The following TJP3 variants were observed in gnomAD, a reference collection of about 807,000 sequenced individuals.
The protein encoded by TJP3 is tight junction protein ZO-3.
In TJP3, 85 loss-of-function variants were observed where a neutral mutation model predicts 104.2. The ratio of observed to expected loss-of-function variants is 0.82; its 90% CI spans 0.68 to 0.98. The LOEUF (loss-of-function observed/expected upper bound fraction) is 0.98. TJP3 is among the 50% of genes least tolerant of loss of function. TJP3 has a pLI of 0.00. For missense variants in TJP3, 1,367 were observed against 1,322.8 expected (o/e 1.03, Z -0.52); for synonymous variants, 550 against 550.6 (o/e 1.00, Z 0.02).
At chr19:3,719,943 G>A (rs991876373) in intron 1 of TJP3, among the ~76,000 whole-genome samples, 3 of 152,056 alleles carry the variant, frequency 2.0e-5, no homozygotes, top group South Asian at 2.1e-4. Flanking sequence ...ATTGGGTCTC[G>A]CTATATTGCC....
chr19:3,736,015 G>C (rs539337614), intron 10 of TJP3, 80 bp downstream of exon 10: 1 of 1,595,862 alleles, frequency 6.3e-7, no homozygotes, highest in Admixed American at 1.7e-5. Flanking sequence ...AATCCTGCCT[G>C]CTTGTATCCA....
intron 8 of TJP3, among the ~76,000 whole-genome samples, 196 bp downstream of exon 8, chr19:3,734,631 G>T (rs2036715943): frequency 6.6e-6 from 1 of 152,164 alleles, no homozygotes; most frequent in African/African-American, 2.4e-5. Context: ...GTAGGTGTTG[G>T]TTACAGCAGC....
At chr19:3,726,857 T>C (rs1167549769) in intron 1 of TJP3, among the ~76,000 whole-genome samples, 1 of 150,994 alleles carries the variant, frequency 6.6e-6, no homozygotes, top group Admixed American at 6.6e-5. Flanking sequence ...AGGCCAAGGC[T>C]GGAGAATCAC....
chr19:3,729,919 C>G, intron 3 of TJP3, 109 bp from the exon 4 acceptor site: 1 of 813,570 alleles, frequency 1.2e-6, no homozygotes, highest in East Asian at 2.5e-5. Context: ...GAATTAGAAC[C>G]AGGCCTTGTA....
intron 1 of TJP3, among the ~76,000 whole-genome samples, chr19:3,723,747 T>A (rs2036566588): frequency 6.7e-6 from 1 of 149,550 alleles, no homozygotes; most frequent in Non-Finnish European, 1.5e-5. Context: ...GAGCTGAGAT[T>A]GTGTCACTAC....
chr19:3,750,016 G>A (rs900788051), intron 19 of TJP3, 122 bp from the exon 20 acceptor site: 22 of 1,237,244 alleles, frequency 1.8e-5, no homozygotes, highest in Admixed American at 1.3e-4. Context: ...GACTTGTCAC[G>A]GGGTTAGCAA....
chr19:3,715,218 T>C (rs896657331), intron 1 of TJP3, among the ~76,000 whole-genome samples: 13 of 151,752 alleles, frequency 8.6e-5, no homozygotes. Flanking sequence ...GCCTCCCGAG[T>C]AGCTGGGACT....
intron 3 of TJP3, among the ~76,000 whole-genome samples, chr19:3,729,155 T>C (rs997519542): frequency 6.6e-6 from 1 of 152,172 alleles, no homozygotes; most frequent in Non-Finnish European, 1.5e-5. Context: ...TGTCAGAGAC[T>C]TGGGCCTCAC....
At chr19:3,750,451 C>A in intron 20 of TJP3, 131 bp from the exon 21 acceptor site, 1 of 833,926 alleles carries the variant, frequency 1.2e-6, no homozygotes. Flanking sequence ...TAACAAGGCC[C>A]TACCCATGAA....
chr19:3,739,266 C>A, intron 13 of TJP3, 132 bp downstream of exon 13: 1 of 748,970 alleles, frequency 1.3e-6, no homozygotes, highest in Non-Finnish European at 2.0e-6. Flanking sequence ...CTGAAGTGGG[C>A]AGATCATGAG....
At chr19:3,715,725 C>A (rs1462556347) in intron 1 of TJP3, among the ~76,000 whole-genome samples, 1 of 152,058 alleles carries the variant, frequency 6.6e-6, no homozygotes, top group African/African-American at 2.4e-5. Flanking sequence ...GTATCCCTGG[C>A]CTCCACTCAC....
chr19:3,742,995 G>C (rs1011107658), intron 14 of TJP3, among the ~76,000 whole-genome samples: 4 of 151,374 alleles, frequency 2.6e-5, no homozygotes, highest in Non-Finnish European at 5.9e-5. Context: ...GCCACGTGCG[G>C]TGGCTCACGC....
rs764990880 is a variant in TJP3, at chr19:3,738,990, T to C, written c.1487T>C (p.Phe496Ser). The C allele has an allele frequency of 6.2e-7, 1 of 1,613,228 alleles. No homozygotes were observed. The highest frequency in any genetic ancestry group is 8.5e-7 in the Non-Finnish European group (1 of 1,179,860). The change falls in exon 13 of 21, where the codon TTC becomes TCC. Residue 496 changes from phenylalanine to serine, a missense_variant. By Grantham distance (155) the Phe-to-Ser change is radical. Transcript: ENST00000541714. ...CCCAGTCCACCGTCTGGCCTGGGCT[T>C]CACCCGTGGCGACGTCTTCCACGTG... ...LEPSPPSGLG[F>S]TRGDVFHVLD... is the part of the protein sequence containing the mutation.
rs1568383857 is a variant in TJP3 at position 3,734,369 on chromosome 19, C to T, written c.920C>T (p.Ser307Phe). ...TCGGAGCTATCGCAGGCACCACCAT[C>T]CCACATCCCACCACCACCCCGGCAT... is the stretch of plus-strand genomic sequence containing the variant. ...LASELSQAPP[S>F]HIPPPPRHAQ... The change falls in exon 8 of 21, where the codon TCC becomes TTC. Residue 307 changes from serine to phenylalanine, a missense_variant. Coordinates refer to ENST00000541714, the MANE Select transcript of TJP3 (RefSeq NM_001267560.2). 6.2e-7 allele frequency: 1 copy of T among 1,613,716 alleles called. No individual in the cohort carries two copies. Among genetic ancestry groups the T allele is most frequent in the Non-Finnish European group, 8.5e-7 (1 of 1,180,012 alleles).
Position 3,734,521 on chromosome 19 carries a change from T to TCA in TJP3, c.986+86_986+87insCA. ...GGGAACGCGGGCGTAGCTTTCCAACTGGGGGTAACCTTGAGGACGCAGTCC... is the reference window on the plus strand; with the variant it reads ...GGGAACGCGGGCGTAGCTTTCCAACTCAGGGGGTAACCTTGAGGACGCAGTCC... On this transcript the variant is annotated intron_variant, in intron 8 of 20. Transcript: ENST00000541714. The TCA allele has an allele frequency of 6.4e-6, 8 of 1,246,538 alleles. No homozygotes were observed. The African/African-American group carries it at 7.5e-5, about 12-fold the overall frequency. The allele number at this position is 1,246,538 out of a possible 1,614,324, so 77.2% of individuals were successfully genotyped here.
Position 3,746,788 on chromosome 19 carries a change from T to C in TJP3, c.2234T>C (p.Leu745Pro). ...SSHLFTATIP[L>P]NGTSDTWYQE... is the part of the protein sequence containing the mutation. ...CCCCTCCCTGCAGCCACCATCCCTC[T>C]GAATGGCACGAGTGACACCTGGTAC... Residue 745 changes from leucine to proline, a missense_variant, in exon 18 of 21, where the codon CTG (leucine) becomes CCG (proline). By Grantham distance (98) the Leu-to-Pro change is moderately conservative. Transcript: ENST00000541714. This position sits in a 1 kb window ranked among gnomAD's most constrained non-coding sequence, Gnocchi z 4.1. 1 of 1,610,060 alleles carries C rather than the reference T, an allele frequency of 6.2e-7. No individual in the cohort carries two copies. The highest frequency in any genetic ancestry group is 8.5e-7 in the Non-Finnish European group (1 of 1,178,244).
In TJP3 at chr19:3,730,515, C is replaced by T. The variant is rs775058712; in HGVS notation, c.422C>T (p.Ser141Phe). 6 of 1,592,144 alleles carry T rather than the reference C, an allele frequency of 3.8e-6. No individual in the cohort carries two copies. The highest frequency in any genetic ancestry group is 3.5e-5 in the Admixed American group (2 of 57,926). The change falls in exon 5 of 21, where the codon TCC becomes TTC. Residue 141 changes from serine to phenylalanine, a missense_variant. Physicochemically the swap from Ser to Phe is radical, Grantham distance 155. Coordinates refer to ENST00000541714, the MANE Select transcript of TJP3 (RefSeq NM_001267560.2). The surrounding 1 kb of genome is among the most constrained non-coding windows in gnomAD (Gnocchi z 7.3). ...GACTCATCCAGTGGCTCCGGCCGCT[C>T]CTGGGACGAGCGCTCCCGCCGGCCG... ...DGDSSSGSGR[S>F]WDERSRRPRP...
intron 12 of TJP3, 79 bp from the exon 13 acceptor site, chr19:3,738,818 G>C: frequency 2.1e-6 from 3 of 1,426,202 alleles, no homozygotes; most frequent in Non-Finnish European, 2.9e-6. Flanking sequence ...CAAATCTCCA[G>C]CCAGGCCCAC....
intron 1 of TJP3, among the ~76,000 whole-genome samples, chr19:3,721,245 G>A (rs2036539397): frequency 6.6e-6 from 1 of 152,124 alleles, no homozygotes; most frequent in African/African-American, 2.4e-5. Flanking sequence ...TGAAGACAGA[G>A]CCCGCAGGCC....
Sources: gnomAD v4.1 joint callset for allele counts (sites outside exome capture counted in the v4.1 genomes callset) on GRCh38, gnomAD v4.1.1 for gene constraint, Gnocchi (gnomAD v3.1) non-coding constraint, MANE v1.5 for transcripts, NCBI Gene and HGNC (gene_info 2026-07-23, HGNC 2026-07-21) for gene names.